Variants in GRID2 observed in about 807,000 individuals in gnomAD.
GRID2 encodes the protein glutamate receptor ionotropic, delta-2.
In GRID2, 33 loss-of-function variants were observed where a neutral mutation model predicts 114.8. The observed-to-expected ratio is 0.29, with a 90% CI of 0.22 to 0.38. The LOEUF (loss-of-function observed/expected upper bound fraction) is 0.38, where lower values mean the gene tolerates loss of function less well. Ranked by LOEUF, GRID2 falls within the 10% of genes least tolerant of loss-of-function variation. The pLI, the probability that GRID2 is intolerant of heterozygous loss-of-function variation, is 1.00. For missense variants in GRID2, 1,184 were observed against 1,257.7 expected (o/e 0.94, Z 0.89); for synonymous variants, 505 against 449.9 (o/e 1.12, Z -1.55).
At chr4:92,600,032 GTGTGTGTGTGTGTATATATATA>G (rs1463669086) in intron 2 of GRID2, among the ~76,000 whole-genome samples, 8 of 73,008 alleles carry the variant, frequency 1.1e-4, no homozygotes, top group Middle Eastern at 8.3e-3. Context: ...GTATGTGTGT[GTGTGTGTGTGTGTATATATATA>G]TATATATATA....
chr4:92,446,338 CA>C (rs1313191551), intron 1 of GRID2, among the ~76,000 whole-genome samples: 2 of 152,218 alleles, frequency 1.3e-5, no homozygotes, highest in African/African-American at 2.4e-5. Context: ...AGAACTACCA[CA>C]AGGTCTGACT....
chr4:92,811,328 G>A (rs545892785), intron 2 of GRID2, among the ~76,000 whole-genome samples: 10 of 152,010 alleles, frequency 6.6e-5, no homozygotes, highest in South Asian at 6.2e-4. Context: ...GGAAAATTCC[G>A]TGTTTTAGTA....
At chr4:93,694,590 C>G (rs1726849777) in intron 14 of GRID2, among the ~76,000 whole-genome samples, 1 of 152,154 alleles carries the variant, frequency 6.6e-6, no homozygotes, top group Admixed American at 6.5e-5. Context: ...AAACATCTTG[C>G]CACGCCTCCC....
intron 2 of GRID2, among the ~76,000 whole-genome samples, chr4:92,830,107 A>G (rs542108211): frequency 3.3e-4 from 50 of 152,126 alleles, no homozygotes; most frequent in Admixed American, 5.9e-4. Flanking sequence ...TTGAAAAAAA[A>G]AAAAGCAAAA....
At chr4:92,462,210 C>T (rs1020156613) in intron 1 of GRID2, among the ~76,000 whole-genome samples, 2 of 152,022 alleles carry the variant, frequency 1.3e-5, no homozygotes, top group Admixed American at 1.3e-4. Context: ...ATTCTCACAT[C>T]GCTAAAATAG....
intron 2 of GRID2, among the ~76,000 whole-genome samples, chr4:92,593,564 A>G (rs1170140322): frequency 6.6e-6 from 1 of 151,922 alleles, no homozygotes; most frequent in Non-Finnish European, 1.5e-5. Context: ...CTCAGTTATA[A>G]CACGGGGTAC....
At chr4:92,672,326 G>A (rs1256676848) in intron 2 of GRID2, among the ~76,000 whole-genome samples, 1 of 152,096 alleles carries the variant, frequency 6.6e-6, no homozygotes, top group Non-Finnish European at 1.5e-5. Context: ...GTCTCTGACA[G>A]TCATGAACTT....
intron 3 of GRID2, among the ~76,000 whole-genome samples, chr4:93,095,173 T>A (rs1433619460): frequency 6.6e-6 from 1 of 152,092 alleles, no homozygotes; most frequent in East Asian, 1.9e-4. Context: ...ATGTGCAGAA[T>A]GTGCAGGTTT....
chr4:92,806,800 G>A (rs969932238), intron 2 of GRID2, among the ~76,000 whole-genome samples: 1 of 151,746 alleles, frequency 6.6e-6, no homozygotes, highest in Non-Finnish European at 1.5e-5. Flanking sequence ...GAAAACAAAA[G>A]CTTTAAATGA....
intron 8 of GRID2, among the ~76,000 whole-genome samples, chr4:93,381,467 G>A (rs1215450290): frequency 2.6e-5 from 4 of 152,004 alleles, no homozygotes; most frequent in Non-Finnish European, 4.4e-5. Context: ...TTTCTATATG[G>A]CTTATAGCAT....
At chr4:93,593,485 A>T (rs1353971691) in intron 13 of GRID2, among the ~76,000 whole-genome samples, 2 of 135,128 alleles carry the variant, frequency 1.5e-5, no homozygotes, top group African/African-American at 5.6e-5. Flanking sequence ...GCTGCCCTTA[A>T]CATTTTTTCC....
intron 10 of GRID2, among the ~76,000 whole-genome samples, chr4:93,439,606 G>A (rs1580088648): frequency 6.6e-6 from 1 of 152,006 alleles, no homozygotes; most frequent in Non-Finnish European, 1.5e-5. Context: ...ACTTCATTGG[G>A]AATGTTGGAT....
intron 2 of GRID2, among the ~76,000 whole-genome samples, chr4:93,058,448 A>G (rs1727466971): frequency 6.6e-6 from 1 of 151,948 alleles, no homozygotes; most frequent in Non-Finnish European, 1.5e-5. Flanking sequence ...GAATGTCTAT[A>G]TTCATCACCA....
intron 1 of GRID2, among the ~76,000 whole-genome samples, chr4:92,559,027 T>G (rs1288758530): frequency 6.6e-6 from 1 of 152,196 alleles, no homozygotes; most frequent in Non-Finnish European, 1.5e-5. Flanking sequence ...CAGCATAATT[T>G]ATATGCACCT....
At chr4:92,377,383 G>A (rs546225137) in intron 1 of GRID2, among the ~76,000 whole-genome samples, 1 of 152,170 alleles carries the variant, frequency 6.6e-6, no homozygotes, top group South Asian at 2.1e-4. Flanking sequence ...CCTCAGCCCA[G>A]ACTTTATTGT....
intron 1 of GRID2, among the ~76,000 whole-genome samples, chr4:92,347,087 G>C (rs1440142287): frequency 6.6e-6 from 1 of 152,154 alleles, no homozygotes; most frequent in Non-Finnish European, 1.5e-5. Context: ...ATTCCAGAAG[G>C]CTGGCAGATT....
At chr4:93,431,342 C>G (rs1337998666) in intron 10 of GRID2, among the ~76,000 whole-genome samples, 1 of 151,976 alleles carries the variant, frequency 6.6e-6, no homozygotes, top group Non-Finnish European at 1.5e-5. Context: ...AAAAAGAACA[C>G]ATGGAGTAAG....
intron 7 of GRID2, among the ~76,000 whole-genome samples, chr4:93,233,961 T>A (rs2149505894): frequency 6.6e-6 from 1 of 152,234 alleles, no homozygotes; most frequent in South Asian, 2.1e-4. Flanking sequence ...TCATGTTTGG[T>A]TTTGTGGCCT....
At position 93,488,453 on chromosome 4, in the gene GRID2, G is replaced by A. The variant is rs566388150; in HGVS notation, c.1859-2186G>A. 2.6e-4 allele frequency among the ~76,000 whole-genome samples: 39 copies of A among 151,856 alleles called. 2 individuals carry two copies. In the South Asian group the frequency reaches 3.9e-3, roughly 15 times the overall value. ...CACGTATAAAATTTAGACATATTAC[G>A]TAGTGGGAACTCGTGGTTGTAATTA... On this transcript the variant is annotated intron_variant, in intron 11 of 15. Coordinates refer to ENST00000282020, the MANE Select transcript of GRID2 (RefSeq NM_001510.4).
Sources: gnomAD v4.1 joint callset for allele counts (sites outside exome capture counted in the v4.1 genomes callset) on GRCh38, gnomAD v4.1.1 for gene constraint, MANE v1.5 for transcripts, NCBI Gene and HGNC (gene_info 2026-07-23, HGNC 2026-07-21) for gene names.